Variants in INSIG2 observed in about 807,000 individuals in gnomAD.
The protein encoded by INSIG2 is insulin-induced gene 2 protein.
A neutral mutation model predicts 27.2 loss-of-function variants in INSIG2; 10 were observed. The ratio of observed to expected loss-of-function variants is 0.37; its 90% CI spans 0.23 to 0.62. INSIG2 has a LOEUF of 0.62. Among genes scored for constraint, INSIG2 ranks in the 20% least tolerant of loss-of-function variants. The pLI is 0.65. For synonymous variants in INSIG2, 97 were observed against 95.8 expected (o/e 1.01, Z -0.07); for missense variants, 178 against 270.2 (o/e 0.66, Z 2.39).
intron 1 of INSIG2, among the ~76,000 whole-genome samples, chr2:118,089,207 G>T (rs1678166860): frequency 6.6e-6 from 1 of 152,062 alleles, no homozygotes. Flanking sequence ...GTGGGCGCGG[G>T]CAATGGCGCT....
intron 1 of INSIG2, among the ~76,000 whole-genome samples, chr2:118,092,248 C>A (rs1045061165): frequency 2.6e-5 from 4 of 152,154 alleles, no homozygotes; most frequent in Non-Finnish European, 5.9e-5. Context: ...GGGCAACGTG[C>A]TGTGTCTACT....
At chr2:118,097,348 G>A (rs2042492) in intron 2 of INSIG2, among the ~76,000 whole-genome samples, 37,453 of 152,192 alleles carry the variant, frequency 0.25, 4,757 homozygotes, top group African/African-American at 0.28. Flanking sequence ...TTTGATGCAT[G>A]TGCTGTAGTC....
At chr2:118,094,078 T>C (rs369067252) in intron 1 of INSIG2, among the ~76,000 whole-genome samples, 10 of 92,214 alleles carry the variant, frequency 1.1e-4, no homozygotes, top group Non-Finnish European at 1.7e-4. Flanking sequence ...TGAACCTTGC[T>C]GAAAGCAACC....
chr2:118,106,714 TG>T (rs1350742091), intron 3 of INSIG2, 22 bp from the exon 4 acceptor site: 1 of 1,592,682 alleles, frequency 6.3e-7, no homozygotes, highest in Non-Finnish European at 8.6e-7. Flanking sequence ...ACTTTTAAGA[TG>T]ACTTCTTAAC....
Position 118,107,554 on chromosome 2 carries a change from A to T in INSIG2, c.636+365A>T, listed in dbSNP as rs569713173. Among the ~76,000 whole-genome samples, 6 of 152,316 alleles carry T rather than the reference A, an allele frequency of 3.9e-5. No homozygotes were observed. The East Asian group carries it at 1.2e-3, about 29-fold the overall frequency. Reference sequence around the variant, plus strand: ...GTTGCTACAATAGGTATACATTAGGACCACCTCTAACAAATCAAGATGTTT... The same window carrying T: ...GTTGCTACAATAGGTATACATTAGGTCCACCTCTAACAAATCAAGATGTTT... On this transcript the variant is annotated intron_variant, in intron 5 of 5. Transcript: ENST00000245787.
At chr2:118,095,885 G>T (rs1354393804) in intron 1 of INSIG2, among the ~76,000 whole-genome samples, 1 of 152,106 alleles carries the variant, frequency 6.6e-6, no homozygotes, top group Non-Finnish European at 1.5e-5. Context: ...TTTTTGTGCG[G>T]ATAACCAAAT....
intron 1 of INSIG2, among the ~76,000 whole-genome samples, chr2:118,094,031 T>G (rs1261329878): frequency 8.7e-5 from 8 of 92,164 alleles, no homozygotes; most frequent in African/African-American, 2.1e-4. Context: ...ATGATGATGA[T>G]GATGATGATG....
chr2:118,107,175 C>G lies in INSIG2; in HGVS notation c.622C>G (p.Arg208Gly). ...AGGITMGNIG[R>G]QLAMYECKVI... ...AGGCATAACAATGGGAAACATTGGT[C>G]GACAACTGGCAATGGTAAGCTGATG... The change falls in exon 5 of 6, where the codon CGA becomes GGA. Residue 208 changes from arginine to glycine, a missense_variant. Arg to Gly is a moderately radical substitution (Grantham distance 125, BLOSUM62 -2). Transcript: ENST00000245787. 6.2e-7 allele frequency: 1 copy of G among 1,609,286 alleles called. No individual in the cohort carries two copies. The highest frequency in any genetic ancestry group is 8.5e-7 in the Non-Finnish European group (1 of 1,176,000).
intron 3 of INSIG2, among the ~76,000 whole-genome samples, chr2:118,105,195 C>T (rs1020724718): frequency 9.2e-5 from 14 of 151,586 alleles, no homozygotes; most frequent in Non-Finnish European, 1.5e-4. Flanking sequence ...CACCTGCCAC[C>T]ACACCCGGTG....
rs868528392 is a variant in INSIG2 at position 118,093,860 on chromosome 2, T to G, written c.-138-2559T>G. The stretch of plus-strand genomic sequence containing the variant: ...GCTGAAAGCAACCAGATGATGATGA[T>G]GATGAGGAGGAGGAGGAGGAGGAGG... On this transcript the variant is annotated intron_variant, in intron 1 of 5. Transcript: ENST00000245787. Among the ~76,000 whole-genome samples, 460 of 75,594 alleles carry G rather than the reference T, an allele frequency of 6.1e-3. 21 individuals carry two copies. Among genetic ancestry groups the G allele is most frequent in the Non-Finnish European group, 9.5e-3 (324 of 34,134 alleles). The allele number at this position is 75,594 out of a possible 152,430, so 49.6% of individuals were successfully genotyped here.
chr2:118,103,403 A>G (rs1386383163), intron 3 of INSIG2, 82 bp downstream of exon 3: 10 of 1,237,164 alleles, frequency 8.1e-6, no homozygotes, highest in Non-Finnish European at 1.1e-5. Context: ...TTACAACTTC[A>G]CTGTTGTCAA....
intron 2 of INSIG2, among the ~76,000 whole-genome samples, chr2:118,100,544 A>G (rs746010326): frequency 6.6e-6 from 1 of 151,188 alleles, no homozygotes; most frequent in Non-Finnish European, 1.5e-5. Flanking sequence ...ACGTCCAGCT[A>G]TTTTTTTGTA....
chr2:118,099,430 T>G (rs1678489084), intron 2 of INSIG2, among the ~76,000 whole-genome samples: 1 of 152,210 alleles, frequency 6.6e-6, no homozygotes, highest in Admixed American at 6.5e-5. Flanking sequence ...TAGAGAACTT[T>G]GGTAAACTAA....
At chr2:118,104,972 A>G (rs1412298409) in intron 3 of INSIG2, among the ~76,000 whole-genome samples, 1 of 152,194 alleles carries the variant, frequency 6.6e-6, no homozygotes, top group African/African-American at 2.4e-5. Flanking sequence ...GTAAAGTCCA[A>G]CATGTTTACC....
chr2:118,103,048 T>C, intron 2 of INSIG2, 149 bp from the exon 3 acceptor site: 1 of 667,476 alleles, frequency 1.5e-6, no homozygotes, highest in Non-Finnish European at 2.5e-6. Context: ...TTAAAAAATA[T>C]CGGTGATTGA....
chr2:118,100,732 A>C (rs1161261224), intron 2 of INSIG2, among the ~76,000 whole-genome samples: 2 of 152,184 alleles, frequency 1.3e-5, no homozygotes, highest in African/African-American at 4.8e-5. Flanking sequence ...GTCAGGGCTT[A>C]AGTATTTGTT....
At chr2:118,091,516 A>T (rs1249197109) in intron 1 of INSIG2, among the ~76,000 whole-genome samples, 2 of 152,092 alleles carry the variant, frequency 1.3e-5, no homozygotes, top group Non-Finnish European at 2.9e-5. Flanking sequence ...AAATTATGGA[A>T]CTTTCATCCC....
intron 2 of INSIG2, 25 bp downstream of exon 2, chr2:118,096,825 G>A: frequency 1.9e-6 from 3 of 1,605,266 alleles, no homozygotes; most frequent in Non-Finnish European, 2.5e-6. Context: ...TTTCTGTAAT[G>A]CTTAGAAAGG....
chr2:118,090,586 TG>T (rs1217544258), intron 1 of INSIG2, among the ~76,000 whole-genome samples: 1 of 152,254 alleles, frequency 6.6e-6, no homozygotes, highest in Non-Finnish European at 1.5e-5. Context: ...TTTTTCTTTT[TG>T]TTTAGTATTG....
Sources: allele counts gnomAD v4.1 joint callset (sites outside exome capture counted in the v4.1 genomes callset), GRCh38; gene constraint gnomAD v4.1.1; transcripts MANE v1.5; gene names NCBI Gene and HGNC (gene_info 2026-07-23, HGNC 2026-07-21).